Variants in TECR observed in about 807,000 individuals in gnomAD.
The protein encoded by TECR is very-long-chain enoyl-CoA reductase.
Under a neutral mutation model 50.6 loss-of-function variants are expected in TECR, and 19 were observed. That is an observed-to-expected ratio of 0.38 (90% CI 0.26 to 0.55). The LOEUF (loss-of-function observed/expected upper bound fraction) is 0.55. Among genes scored for constraint, TECR ranks in the 20% least tolerant of loss-of-function variants. The pLI, the probability that TECR is intolerant of heterozygous loss-of-function variation, is 0.79. For synonymous variants in TECR, 168 were observed against 163.5 expected (o/e 1.03, Z -0.21); for missense variants, 313 against 408.3 (o/e 0.77, Z 2.01).
intron 1 of TECR, among the ~76,000 whole-genome samples, chr19:14,533,146 C>T (rs1393421797): frequency 6.0e-5 from 9 of 151,054 alleles, no homozygotes; most frequent in African/African-American, 2.2e-4. Flanking sequence ...TTCAGCTGGG[C>T]ACAGTGGCTC....
intron 1 of TECR, chr19:14,531,885 T>G (rs2072680795): frequency 6.6e-6 from 1 of 152,094 alleles, no homozygotes; most frequent in Non-Finnish European, 1.5e-5. Context: ...GTCCCACTAC[T>G]GTAGTCTCAG....
At chr19:14,564,422 T>C in intron 7 of TECR, 135 bp downstream of exon 7, 1 of 722,944 alleles carries the variant, frequency 1.4e-6, no homozygotes, top group South Asian at 1.6e-5. Flanking sequence ...AGGCCCCGCC[T>C]AACCTCCCCA....
chr19:14,563,481 T>C lies in TECR; in HGVS notation c.119-177T>C. ...CAAGATCCTGCTTCTGCCCGCGCTC[T>C]TCTGGCTTGTGTCCTGAAACCGCAC... On this transcript the variant is annotated intron_variant, in intron 3 of 12. Transcript: ENST00000215567. This position sits in a 1 kb window ranked among gnomAD's most constrained non-coding sequence, Gnocchi z 5.3. 1 of 902,298 alleles carries C rather than the reference T, an allele frequency of 1.1e-6. No homozygotes were observed. Among genetic ancestry groups the C allele is most frequent in the Non-Finnish European group, 1.7e-6 (1 of 574,876 alleles). 55.9% of individuals were successfully genotyped at this position (902,298 alleles called of 1,614,324 possible).
chr19:14,563,710 C>T lies in TECR; in HGVS notation c.163+8C>T, dbSNP rs773761363. 2 of 1,613,200 alleles carry T rather than the reference C, an allele frequency of 1.2e-6. No individual in the cohort carries two copies. Among genetic ancestry groups the T allele is most frequent in the Non-Finnish European group, 1.7e-6 (2 of 1,179,902 alleles). On this transcript the variant is annotated splice_region_variant and intron_variant, in intron 4 of 12. Transcript: ENST00000215567. The surrounding 1 kb of genome is among the most constrained non-coding windows in gnomAD (Gnocchi z 5.3). ...CCCTCCGCCTGGACCCCAGTGAGTA[C>T]AGCTGTCCACTCGGCCCGCCCCCTG...
chr19:14,565,697 C>T, intron 12 of TECR, 34 bp downstream of exon 12: 1 of 1,611,760 alleles, frequency 6.2e-7, no homozygotes. Context: ...CGGGGCCCTG[C>T]CCCTCCGGGC....
At chr19:14,548,014 A>G (rs1599453586) in intron 1 of TECR, among the ~76,000 whole-genome samples, 1 of 140,984 alleles carries the variant, frequency 7.1e-6, no homozygotes, top group Non-Finnish European at 1.5e-5. Context: ...CCCAGGCTGG[A>G]GTGCAGTGGT....
At chr19:14,549,667 A>G (rs981166787) in intron 1 of TECR, among the ~76,000 whole-genome samples, 8 of 151,536 alleles carry the variant, frequency 5.3e-5, no homozygotes, top group Admixed American at 3.9e-4. Flanking sequence ...ACTGTAGGCC[A>G]GGCGCAGTGG....
chr19:14,528,490 G>A (rs1234468916), upstream of TECR, among the ~76,000 whole-genome samples: 1 of 151,478 alleles, frequency 6.6e-6, no homozygotes, highest in Admixed American at 6.6e-5. Flanking sequence ...TGCCCCCCTC[G>A]GCCTCCCAAG....
intron 1 of TECR, among the ~76,000 whole-genome samples, chr19:14,543,427 T>A (rs1179957268): frequency 0.039 from 341 of 8,838 alleles, 4 homozygotes; most frequent in Non-Finnish European, 0.054. Context: ...ATATTTTTTT[T>A]TTTTTTTTTT....
chr19:14,564,314 TA>T (rs750157554), intron 7 of TECR, 27 bp downstream of exon 7: 1 of 1,532,218 alleles, frequency 6.5e-7, no homozygotes, highest in South Asian at 1.1e-5. Flanking sequence ...GCCTCACCCC[TA>T]AGCCCCGCCT....
At chr19:14,534,490 C>T (rs1388531601) in intron 1 of TECR, among the ~76,000 whole-genome samples, 2 of 115,178 alleles carry the variant, frequency 1.7e-5, no homozygotes, top group African/African-American at 7.0e-5. Context: ...GGCTGGAGTG[C>T]AGTGATGTGA....
At chr19:14,552,131 G>T (rs186289440) in intron 1 of TECR, among the ~76,000 whole-genome samples, 1 of 149,304 alleles carries the variant, frequency 6.7e-6, no homozygotes. Flanking sequence ...GAGCCACCGC[G>T]CCTGGCCTTT....
intron 1 of TECR, among the ~76,000 whole-genome samples, chr19:14,537,838 C>T (rs952559293): frequency 6.6e-6 from 1 of 151,482 alleles, no homozygotes; most frequent in African/African-American, 2.4e-5. Flanking sequence ...CTCCGCCTCC[C>T]GGGTTCAGGC....
chr19:14,553,357 C>T (rs553672768), intron 1 of TECR, among the ~76,000 whole-genome samples: 5 of 152,266 alleles, frequency 3.3e-5, no homozygotes, highest in East Asian at 1.9e-4. Context: ...AGGAGCAGAG[C>T]GGTCCAGGGA....
intron 1 of TECR, chr19:14,545,142 G>A (rs1317566168): frequency 6.6e-6 from 3 of 456,558 alleles, no homozygotes; most frequent in Non-Finnish European, 8.8e-6. Context: ...AGAAACCAAA[G>A]CAGCCTGTGG....
intron 1 of TECR, chr19:14,534,108 C>A (rs2072772625): frequency 6.6e-6 from 1 of 151,994 alleles, no homozygotes; most frequent in Admixed American, 6.6e-5. Context: ...CCCCCATAAC[C>A]CACATTTAGG....
At chr19:14,550,927 C>A (rs1158082307) in intron 1 of TECR, among the ~76,000 whole-genome samples, 1 of 152,006 alleles carries the variant, frequency 6.6e-6, no homozygotes, top group Non-Finnish European at 1.5e-5. Context: ...CCACCTTGGC[C>A]TCCCAGAGTA....
intron 1 of TECR, among the ~76,000 whole-genome samples, chr19:14,561,477 G>A (rs1293556426): frequency 4.6e-5 from 7 of 152,188 alleles, no homozygotes; most frequent in Non-Finnish European, 2.9e-5. Flanking sequence ...CTGGCCTGGG[G>A]GCTCAGGGAG....
At chr19:14,565,422 C>G (rs1599508501) in intron 11 of TECR, 132 bp downstream of exon 11, 5 of 1,366,854 alleles carry the variant, frequency 3.7e-6, no homozygotes, top group African/African-American at 1.4e-5. Flanking sequence ...AGGTGGAGAC[C>G]GCGGCCTCTC....
Sources: allele counts gnomAD v4.1 joint callset (sites outside exome capture counted in the v4.1 genomes callset), GRCh38; gene constraint gnomAD v4.1.1; non-coding constraint Gnocchi (gnomAD v3.1); transcripts MANE v1.5; gene names NCBI Gene and HGNC (gene_info 2026-07-23, HGNC 2026-07-21).